Variants in PLPPR1 observed in about 807,000 individuals in gnomAD.
The protein encoded by PLPPR1 is phospholipid phosphatase related 1, also known as phospholipid phosphatase-related protein type 1.
PLPPR1 carries 10 observed loss-of-function variants against 33.1 expected under a neutral mutation model. The ratio of observed to expected loss-of-function variants is 0.30; its 90% CI spans 0.19 to 0.51. The LOEUF is 0.51. Among genes scored for constraint, PLPPR1 ranks in the 20% least tolerant of loss-of-function variants. The pLI, the probability that PLPPR1 is intolerant of heterozygous loss-of-function variation, is 0.97. For missense variants in PLPPR1, 304 were observed against 408.1 expected (o/e 0.74, Z 2.20); for synonymous variants, 151 against 151.0 (o/e 1.00, Z 0.00).
At chr9:101,240,409 A>ACTGTTTTTTTTTTTTTTT (rs1564012614) in intron 2 of PLPPR1, among the ~76,000 whole-genome samples, 12 of 151,790 alleles carry the variant, frequency 7.9e-5, no homozygotes, top group African/African-American at 2.7e-4. Flanking sequence ...AAATTTTAGA[A>ACTGTTTTTTTTTTTTTTT]TTGTTTTTTT....
chr9:101,168,199 C>A (rs760881183), intron 1 of PLPPR1, among the ~76,000 whole-genome samples: 1 of 152,120 alleles, frequency 6.6e-6, no homozygotes, highest in Admixed American at 6.6e-5. Flanking sequence ...GATAGTGGCA[C>A]CTAATAAGTC....
At chr9:101,218,420 C>T (rs1410251716) in intron 2 of PLPPR1, among the ~76,000 whole-genome samples, 1 of 152,152 alleles carries the variant, frequency 6.6e-6, no homozygotes, top group Non-Finnish European at 1.5e-5. Context: ...CTGGGTGGGA[C>T]ATGTGGCCAC....
intron 5 of PLPPR1, among the ~76,000 whole-genome samples, chr9:101,311,592 TA>T (rs1250613229): frequency 6.6e-6 from 1 of 152,154 alleles, no homozygotes; most frequent in Non-Finnish European, 1.5e-5. Flanking sequence ...AGTCTGAAAA[TA>T]GTGTAATAAT....
intron 4 of PLPPR1, among the ~76,000 whole-genome samples, chr9:101,289,041 C>T (rs1375129962): frequency 6.6e-6 from 1 of 152,224 alleles, no homozygotes; most frequent in Admixed American, 6.5e-5. Context: ...ATGTCTCCAG[C>T]CTCATCCCGA....
chr9:101,314,335 T>C (rs1829013966), intron 6 of PLPPR1, among the ~76,000 whole-genome samples: 1 of 152,218 alleles, frequency 6.6e-6, no homozygotes, highest in Non-Finnish European at 1.5e-5. Context: ...AATACACACA[T>C]GCCTCTCCCA....
intron 1 of PLPPR1, among the ~76,000 whole-genome samples, chr9:101,084,479 A>G (rs56763438): frequency 2.4e-3 from 367 of 152,172 alleles, no homozygotes; most frequent in African/African-American, 8.7e-3. Flanking sequence ...TTTACCTTTA[A>G]TCTACACAAT....
intron 1 of PLPPR1, among the ~76,000 whole-genome samples, chr9:101,136,453 A>T (rs958510742): frequency 6.6e-6 from 1 of 152,182 alleles, no homozygotes; most frequent in Admixed American, 6.5e-5. Flanking sequence ...CATTTAACAC[A>T]TGGTTTGTAT....
rs369792243 is a variant in PLPPR1 at position 101,284,589 on chromosome 9, C to T, written c.253-1515C>T. ...ATTTATTAACATCACAGTGTACATA[C>T]ACTTTAATGCATGTGTTCTAGAGAT... On this transcript the variant is annotated intron_variant, in intron 3 of 7. Transcript: ENST00000374874. Among the ~76,000 whole-genome samples the T allele has an allele frequency of 5.3e-4, 80 of 152,284 alleles. No homozygotes were observed. The South Asian group carries it at 8.3e-3, about 16-fold the overall frequency.
At chr9:101,120,572 G>A (rs1019976912) in intron 1 of PLPPR1, among the ~76,000 whole-genome samples, 6 of 152,142 alleles carry the variant, frequency 3.9e-5, no homozygotes, top group Non-Finnish European at 7.4e-5. Flanking sequence ...AAATGGGTGG[G>A]TATGTGTCTA....
intron 1 of PLPPR1, among the ~76,000 whole-genome samples, chr9:101,051,673 T>A (rs1262428069): frequency 6.6e-6 from 1 of 152,226 alleles, no homozygotes; most frequent in African/African-American, 2.4e-5. Context: ...CTGCTAGTGC[T>A]TACTTCATTA....
At chr9:101,031,582 A>G (rs751159189) in intron 1 of PLPPR1, among the ~76,000 whole-genome samples, 9 of 152,234 alleles carry the variant, frequency 5.9e-5, no homozygotes, top group Non-Finnish European at 7.3e-5. Context: ...GGAAAAAAAG[A>G]TAAGAAAGTA....
At chr9:101,312,305 C>T (rs1828974257) in intron 5 of PLPPR1, among the ~76,000 whole-genome samples, 1 of 152,104 alleles carries the variant, frequency 6.6e-6, no homozygotes, top group Non-Finnish European at 1.5e-5. Flanking sequence ...TATTAATCAC[C>T]TGAAGGTGTG....
At chr9:101,176,511 C>A (rs1428262136) in intron 1 of PLPPR1, among the ~76,000 whole-genome samples, 3 of 152,192 alleles carry the variant, frequency 2.0e-5, no homozygotes, top group African/African-American at 7.2e-5. Context: ...AACAATGCCA[C>A]CTTCTTGCAG....
chr9:101,062,097 ACT>A (rs1192003666), intron 1 of PLPPR1, among the ~76,000 whole-genome samples: 1 of 151,038 alleles, frequency 6.6e-6, no homozygotes, highest in African/African-American at 2.4e-5. Context: ...TGTCAATCAA[ACT>A]CTGTCTTTTG....
At chr9:101,273,174 C>A (rs926020809) in intron 3 of PLPPR1, among the ~76,000 whole-genome samples, 18 of 152,250 alleles carry the variant, frequency 1.2e-4, no homozygotes, top group Non-Finnish European at 2.1e-4. Context: ...AATCTGACCT[C>A]ACAATTTTCT....
intron 4 of PLPPR1, among the ~76,000 whole-genome samples, chr9:101,287,799 C>A (rs115266570): frequency 0.011 from 1,719 of 152,272 alleles, 25 homozygotes; most frequent in African/African-American, 0.037. Flanking sequence ...CTGTGCCCGG[C>A]CCCTGTAACG....
chr9:101,138,161 G>A (rs560637374), intron 1 of PLPPR1, among the ~76,000 whole-genome samples: 1 of 152,190 alleles, frequency 6.6e-6, no homozygotes, highest in African/African-American at 2.4e-5. Context: ...TGGAAAGTAG[G>A]CTATGGGTCA....
intron 1 of PLPPR1, among the ~76,000 whole-genome samples, chr9:101,162,118 AAGAT>A (rs1831784900): frequency 6.6e-6 from 1 of 151,916 alleles, no homozygotes; most frequent in African/African-American, 2.4e-5. Context: ...AAAAAAAAAA[AAGAT>A]AATATTATTT....
chr9:101,322,034 C>T (rs1344481994), intron 7 of PLPPR1, among the ~76,000 whole-genome samples: 1 of 148,984 alleles, frequency 6.7e-6, no homozygotes, highest in East Asian at 1.9e-4. Context: ...CCCGTCTCTA[C>T]TAAAAATACA....
Sources: allele counts gnomAD v4.1 joint callset (sites outside exome capture counted in the v4.1 genomes callset), GRCh38; gene constraint gnomAD v4.1.1; transcripts MANE v1.5; gene names NCBI Gene and HGNC (gene_info 2026-07-23, HGNC 2026-07-21).